Variants in RARB observed in about 807,000 individuals in gnomAD.
RARB encodes the protein retinoic acid receptor beta, also known as HBV-activated protein.
Under a neutral mutation model 51.9 loss-of-function variants are expected in RARB, and 17 were observed. The ratio of observed to expected loss-of-function variants is 0.33; its 90% CI spans 0.22 to 0.49. RARB has a LOEUF of 0.49. Ranked by LOEUF, RARB falls within the 20% of genes least tolerant of loss-of-function variation. The pLI is 0.99. For synonymous variants in RARB, 215 were observed against 195.4 expected, an observed-to-expected ratio of 1.10 and a Z score of -0.84; for missense variants, 369 against 550.8, an observed-to-expected ratio of 0.67 and a Z score of 3.30.
At chr3:25,302,363 A>C (rs1215354156) in intron 5 of RARB, among the ~76,000 whole-genome samples, 1 of 152,236 alleles carries the variant, frequency 6.6e-6, no homozygotes, top group African/African-American at 2.4e-5. Flanking sequence ...AAATAACCCA[A>C]ATATTCAACT....
intron 1 of RARB, among the ~76,000 whole-genome samples, chr3:25,441,962 C>T (rs369699069): frequency 6.6e-6 from 1 of 152,106 alleles, no homozygotes; most frequent in African/African-American, 2.4e-5. Context: ...ATATCAGTGC[C>T]CTTCAATAGA....
chr3:25,328,181 T>C (rs1309605151), intron 5 of RARB, among the ~76,000 whole-genome samples: 1 of 152,224 alleles, frequency 6.6e-6, no homozygotes, highest in Non-Finnish European at 1.5e-5. Context: ...CAATACAAGA[T>C]ATTTGGCAAC....
chr3:25,446,169 A>C (rs1374569062), intron 1 of RARB, among the ~76,000 whole-genome samples: 1 of 152,264 alleles, frequency 6.6e-6, no homozygotes, highest in African/African-American at 2.4e-5. Flanking sequence ...TAGTATCTTT[A>C]AAATATTACC....
intron 1 of RARB, among the ~76,000 whole-genome samples, chr3:24,832,644 TATATATAATGTC>T (rs1218928710): frequency 7.0e-6 from 1 of 143,240 alleles, no homozygotes; most frequent in East Asian, 2.0e-4. Flanking sequence ...TATATATATA[TATATATAATGTC>T]AATTAAAAAT....
At chr3:24,979,655 G>A (rs1206358628) in intron 2 of RARB, among the ~76,000 whole-genome samples, 2 of 151,208 alleles carry the variant, frequency 1.3e-5, no homozygotes, top group African/African-American at 2.4e-5. Flanking sequence ...TTTATTTTGA[G>A]CCTATGTGTG....
chr3:25,105,823 A>G (rs1032275780), intron 3 of RARB, among the ~76,000 whole-genome samples: 2 of 152,224 alleles, frequency 1.3e-5, no homozygotes, highest in Admixed American at 6.5e-5. Flanking sequence ...TAAACTCACT[A>G]TCATGAACAT....
At chr3:24,958,615 GA>G (rs1696074441) in intron 2 of RARB, among the ~76,000 whole-genome samples, 1 of 152,144 alleles carries the variant, frequency 6.6e-6, no homozygotes, top group South Asian at 2.1e-4. Context: ...TGCACATAAT[GA>G]GGGGTAAACC....
At chr3:25,420,088 C>CTGTG (rs371374306) in intron 5 of RARB, among the ~76,000 whole-genome samples, 1 of 151,808 alleles carries the variant, frequency 6.6e-6, no homozygotes, top group African/African-American at 2.4e-5. Context: ...TTCACATTAC[C>CTGTG]TGTGTGTGTG....
intron 3 of RARB, among the ~76,000 whole-genome samples, chr3:25,080,330 A>G (rs1046142274): frequency 3.0e-4 from 45 of 152,194 alleles, no homozygotes; most frequent in African/African-American, 1.1e-3. Context: ...ATCCATTTAT[A>G]TGTTAACAAA....
At chr3:25,573,585 T>C (rs1463810397) in intron 4 of RARB, among the ~76,000 whole-genome samples, 2 of 152,232 alleles carry the variant, frequency 1.3e-5, no homozygotes, top group African/African-American at 4.8e-5. Flanking sequence ...TGTGTTTTTA[T>C]TGTGAGCCAC....
At chr3:24,941,729 G>C (rs560989672) in intron 2 of RARB, among the ~76,000 whole-genome samples, 1 of 152,098 alleles carries the variant, frequency 6.6e-6, no homozygotes, top group Non-Finnish European at 1.5e-5. Context: ...CATTATCTTT[G>C]CCTCATTTTT....
chr3:25,020,145 A>T (rs1575121898), intron 2 of RARB: 1 of 16,330 alleles, frequency 6.1e-5, no homozygotes, highest in Non-Finnish European at 8.7e-5. Context: ...TATTATTATT[A>T]TTATTATTAT....
chr3:25,042,006 G>A (rs539790978), intron 2 of RARB, among the ~76,000 whole-genome samples: 1 of 152,200 alleles, frequency 6.6e-6, no homozygotes, highest in African/African-American at 2.4e-5. Context: ...AATGAGAGAA[G>A]GTCCCCTGGC....
chr3:25,392,629 T>C (rs887580228), intron 5 of RARB, among the ~76,000 whole-genome samples: 10 of 151,848 alleles, frequency 6.6e-5, no homozygotes, highest in African/African-American at 1.9e-4. Flanking sequence ...TATATTCCTA[T>C]GTATATTTTT....
intron 5 of RARB, among the ~76,000 whole-genome samples, chr3:25,414,676 T>A (rs1235004534): frequency 6.6e-6 from 1 of 152,232 alleles, no homozygotes. Context: ...TAACTAATGA[T>A]GTTCAGCATT....
intron 5 of RARB, among the ~76,000 whole-genome samples, chr3:25,300,309 C>A (rs1457446349): frequency 6.6e-6 from 1 of 152,190 alleles, no homozygotes; most frequent in African/African-American, 2.4e-5. Flanking sequence ...GGCACACTGT[C>A]TAGATCATGT....
intron 5 of RARB, among the ~76,000 whole-genome samples, chr3:25,368,605 G>T (rs1364302696): frequency 6.6e-6 from 1 of 152,160 alleles, no homozygotes; most frequent in Non-Finnish European, 1.5e-5. Context: ...TGAAAACCTA[G>T]GTCATGATAA....
At chr3:25,016,131 C>A (rs7611163) in intron 2 of RARB, among the ~76,000 whole-genome samples, 90,220 of 152,048 alleles carry the variant, frequency 0.59, 28,321 homozygotes, top group East Asian at 0.77. Flanking sequence ...ACAGGAGTTA[C>A]CTGCCTGTCG....
Position 25,055,821 on chromosome 3 carries a change from A to G in RARB, c.-379-4304A>G, listed in dbSNP as rs182625628. Among the ~76,000 whole-genome samples the G allele has an allele frequency of 1.1e-3, 171 of 152,206 alleles. 2 individuals carry two copies. The highest frequency in any genetic ancestry group is 0.01 in the Admixed American group (155 of 15,278). On this transcript the variant is annotated intron_variant, in intron 2 of 11. Coordinates refer to the RARB transcript ENST00000383772. ...AAGCTGGTGTATTTAAACCTCCTCT[A>G]TGCAGCAAGCCTCCAAAAAGAGTCA...
Sources: allele counts gnomAD v4.1 joint callset (sites outside exome capture counted in the v4.1 genomes callset), GRCh38; gene constraint gnomAD v4.1.1; transcripts MANE v1.5; gene names NCBI Gene and HGNC (gene_info 2026-07-23, HGNC 2026-07-21).